Variants in AFG2A observed in about 807,000 individuals in gnomAD.
AFG2A encodes the protein ATPase family gene 2 protein homolog A.
the AFG2A span, among the ~76,000 whole-genome samples, chr4:123,063,826 A>G: frequency 6.6e-6 from 1 of 152,174 alleles, no homozygotes; most frequent in Admixed American, 6.5e-5. Flanking sequence ...AAGAATCATG[A>G]TATTTGCTAG....
At chr4:123,264,656 C>G in the AFG2A span, among the ~76,000 whole-genome samples, 1 of 151,978 alleles carries the variant, frequency 6.6e-6, no homozygotes, top group Non-Finnish European at 1.5e-5. Context: ...AGTCCTGTAC[C>G]ACTCCCCTTT....
the AFG2A span, among the ~76,000 whole-genome samples, chr4:123,216,017 T>G: frequency 6.6e-6 from 1 of 152,192 alleles, no homozygotes; most frequent in East Asian, 1.9e-4. Flanking sequence ...GGACAAGGTA[T>G]ACATATGTTT....
At chr4:123,235,545 G>A in the AFG2A span, among the ~76,000 whole-genome samples, 1 of 152,180 alleles carries the variant, frequency 6.6e-6, no homozygotes, top group African/African-American at 2.4e-5. Flanking sequence ...AGAGAGTCTG[G>A]AAAGACCACA....
the AFG2A span, among the ~76,000 whole-genome samples, chr4:123,015,835 A>T: frequency 9.4e-5 from 4 of 42,544 alleles, no homozygotes; most frequent in African/African-American, 1.9e-4. Context: ...TCCCTCCCGG[A>T]TGGGGCGGCT....
the AFG2A span, chr4:123,256,012 A>G: frequency 6.2e-7 from 1 of 1,613,854 alleles, no homozygotes. Flanking sequence ...CATTTTCTTT[A>G]TAGGCTTTGA....
chr4:123,210,468 A>G, the AFG2A span, among the ~76,000 whole-genome samples: 537 of 152,230 alleles, frequency 3.5e-3, 1 homozygote, highest in African/African-American at 0.012. Context: ...GGTTTATTTC[A>G]CTTTATGTGA....
the AFG2A span, among the ~76,000 whole-genome samples, chr4:123,085,701 G>C: frequency 6.6e-6 from 1 of 152,198 alleles, no homozygotes; most frequent in African/African-American, 2.4e-5. Flanking sequence ...TGTGTAAAGT[G>C]ATTATTGATA....
the AFG2A span, among the ~76,000 whole-genome samples, chr4:123,004,511 T>C: frequency 3.9e-5 from 6 of 152,362 alleles, no homozygotes; most frequent in East Asian, 1.2e-3. Context: ...TAGTGTTTCT[T>C]AGTCTGTCAA....
At chr4:122,929,220 C>T in the AFG2A span, 5 of 1,543,618 alleles carry the variant, frequency 3.2e-6, no homozygotes, top group Non-Finnish European at 4.4e-6. Context: ...TCTTTGGTGA[C>T]TATCTGGATC....
the AFG2A span, among the ~76,000 whole-genome samples, chr4:122,975,233 A>G: frequency 6.6e-6 from 1 of 152,136 alleles, no homozygotes; most frequent in Admixed American, 6.5e-5. Flanking sequence ...TGAATGCCAT[A>G]TTCTCTAAAG....
the AFG2A span, among the ~76,000 whole-genome samples, chr4:123,082,348 G>A: frequency 3.3e-5 from 5 of 151,922 alleles, no homozygotes; most frequent in African/African-American, 1.2e-4. Flanking sequence ...TTTTGCATGT[G>A]GATGTACACT....
chr4:122,998,241 T>A, the AFG2A span, among the ~76,000 whole-genome samples: 7 of 152,166 alleles, frequency 4.6e-5, no homozygotes, highest in South Asian at 2.1e-4. Context: ...GCTTTAAGGT[T>A]TACTCTGTTT....
chr4:123,161,033 C>T, the AFG2A span, among the ~76,000 whole-genome samples: 84 of 152,266 alleles, frequency 5.5e-4, 2 homozygotes, highest in East Asian at 8.9e-3. Flanking sequence ...GCTGAAACTG[C>T]GGAAAGAGAA....
At chr4:123,166,360 C>T in the AFG2A span, among the ~76,000 whole-genome samples, 1 of 152,198 alleles carries the variant, frequency 6.6e-6, no homozygotes, top group Non-Finnish European at 1.5e-5. Flanking sequence ...CCCTCAAACA[C>T]TGGACTCCAA....
At chr4:123,106,084 C>G in the AFG2A span, among the ~76,000 whole-genome samples, 1 of 151,952 alleles carries the variant, frequency 6.6e-6, no homozygotes, top group Non-Finnish European at 1.5e-5. Flanking sequence ...TTAGAAATTG[C>G]CACAGCCACC....
At chr4:123,279,690 C>A in the AFG2A span, among the ~76,000 whole-genome samples, 1 of 152,112 alleles carries the variant, frequency 6.6e-6, no homozygotes, top group Non-Finnish European at 1.5e-5. Context: ...TATAACTAAT[C>A]CAATTTTTCA....
At chr4:122,932,681 C>T in the AFG2A span, among the ~76,000 whole-genome samples, 1 of 152,170 alleles carries the variant, frequency 6.6e-6, no homozygotes, top group East Asian at 1.9e-4. Context: ...TAGGTGTGTT[C>T]ACTTCCTGCA....
At chr4:123,006,510 C>T in the AFG2A span, among the ~76,000 whole-genome samples, 2 of 152,060 alleles carry the variant, frequency 1.3e-5, no homozygotes, top group African/African-American at 4.8e-5. Flanking sequence ...ACTCAAATTA[C>T]ACACATATAT....
At chr4:122,945,566 C>T in the AFG2A span, among the ~76,000 whole-genome samples, 5 of 152,136 alleles carry the variant, frequency 3.3e-5, no homozygotes, top group Non-Finnish European at 5.9e-5. Flanking sequence ...CCTTGACCAG[C>T]AAAGGGAACT....
Sources: allele counts gnomAD v4.1 joint callset (sites outside exome capture counted in the v4.1 genomes callset), GRCh38; gene constraint gnomAD v4.1.1; transcripts MANE v1.5; gene names NCBI Gene and HGNC (gene_info 2026-07-23, HGNC 2026-07-21).